C1orf146: variants seen among roughly 807,000 people sequenced by gnomAD.
The protein encoded by C1orf146 is chromosome 1 open reading frame 146, also known as protein SPO16 homolog.
Under a neutral mutation model 23.0 loss-of-function variants are expected in C1orf146, and 22 were observed. The ratio of observed to expected loss-of-function variants is 0.96; its 90% confidence interval spans 0.68 to 1.36. The LOEUF is 1.36. Among genes scored for constraint, C1orf146 ranks in the 40% most tolerant of loss-of-function variants. C1orf146 has a pLI of 0.00. For missense variants in C1orf146, 199 were observed against 206.8 expected, an observed-to-expected ratio of 0.96 and a Z score of 0.23; for synonymous variants, 59 against 65.3, an observed-to-expected ratio of 0.90 and a Z score of 0.47.
intron 2 of C1orf146, among the ~76,000 whole-genome samples, chr1:92,237,141 G>T (rs1249055568): frequency 6.6e-6 from 1 of 152,140 alleles, no homozygotes; most frequent in African/African-American, 2.4e-5. Flanking sequence ...TTGTTCCATT[G>T]CTGGTGAGGA....
chr1:92,222,774 G>A (rs901341486), intron 1 of C1orf146, among the ~76,000 whole-genome samples: 6 of 151,708 alleles, frequency 4.0e-5, no homozygotes, highest in Non-Finnish European at 7.4e-5. Context: ...TTTTAGTAGA[G>A]ATGGGGTTTC....
chr1:92,243,900 C>T (rs1570799915), intron 3 of C1orf146, among the ~76,000 whole-genome samples: 1 of 151,280 alleles, frequency 6.6e-6, no homozygotes, highest in Non-Finnish European at 1.5e-5. Flanking sequence ...AAATGTAATT[C>T]ATCTTTTTAA....
rs200087705 is a variant in C1orf146, at chr1:92,245,698, G to A, written c.*24G>A. On this transcript the variant is annotated 3_prime_UTR_variant, in exon 6 of 6. Coordinates refer to ENST00000370375, the MANE Select transcript of C1orf146 (RefSeq NM_001012425.2). The stretch of plus-strand genomic sequence containing the variant: ...AGAGTACCAACTTAATGTTTTTCTC[G>A]AAGAATGTGAAAATAATTAGACCTG... The A allele has an allele frequency of 1.1e-3, 1,559 of 1,449,060 alleles. 12 individuals are homozygous for A. The South Asian group carries it at 0.012, about 11-fold the overall frequency. The allele number at this position is 1,449,060 out of a possible 1,614,324, so 89.8% of individuals were successfully genotyped here. A position where few individuals can be genotyped will look rare whatever the true frequency, so the allele number is the denominator to read the frequency against.
chr1:92,233,430 C>T lies in C1orf146; in HGVS notation c.66+1944C>T, dbSNP rs533524290. On this transcript the variant is annotated intron_variant, in intron 2 of 5. Transcript: ENST00000370375. ...AGATCAGATAGTTGTAGATATGCGG[C>T]GTTATTTCTGAGGGCTGTGTTCTGT... Among the ~76,000 whole-genome samples the T allele has an allele frequency of 3.0e-3, 463 of 152,096 alleles. 3 individuals carry two copies. Among genetic ancestry groups the T allele is most frequent in the Non-Finnish European group, 4.6e-3 (312 of 67,998 alleles).
intron 2 of C1orf146, among the ~76,000 whole-genome samples, chr1:92,238,210 C>T (rs1652344734): frequency 6.6e-6 from 1 of 152,210 alleles, no homozygotes; most frequent in Non-Finnish European, 1.5e-5. Context: ...GCTGGGATTA[C>T]AGGCTTGAGC....
At chr1:92,233,757 C>T (rs146919197) in intron 2 of C1orf146, among the ~76,000 whole-genome samples, 2,130 of 152,266 alleles carry the variant, frequency 0.014, 49 homozygotes, top group African/African-American at 0.048. Flanking sequence ...GAATGTTCTT[C>T]CATTTGTTTG....
intron 1 of C1orf146, among the ~76,000 whole-genome samples, chr1:92,219,900 T>A (rs1315276477): frequency 6.6e-6 from 1 of 152,174 alleles, no homozygotes; most frequent in Non-Finnish European, 1.5e-5. Context: ...TCTTCTCCAT[T>A]TATTGGTTTG....
intron 1 of C1orf146, among the ~76,000 whole-genome samples, chr1:92,222,573 A>G (rs1043703814): frequency 4.9e-5 from 1 of 20,488 alleles, no homozygotes; most frequent in African/African-American, 2.0e-4. Flanking sequence ...TATAGTTTGT[A>G]TTTCTTTTTT....
chr1:92,219,496 C>CTTTTTTTTTTT lies in C1orf146; in HGVS notation c.-40+1463_-40+1473dup, dbSNP rs71091269. ...CATCACTGAAAGTGACTTTCTCTTT[C>CTTTTTTTTTTT]TTTTTTTTTTTTTTTTTTTTTTTTT... On this transcript the variant is annotated intron_variant, in intron 1 of 5. Transcript: ENST00000370375. Among the ~76,000 whole-genome samples, 30 of 81,142 alleles carry CTTTTTTTTTTT rather than the reference C, an allele frequency of 3.7e-4. 2 individuals carry two copies. Among genetic ancestry groups the CTTTTTTTTTTT allele is most frequent in the African/African-American group, 5.0e-4 (10 of 19,934 alleles). The allele number at this position is 81,142 out of a possible 152,430, so 53.2% of individuals were successfully genotyped here. A position where few individuals can be genotyped will look rare whatever the true frequency, so the allele number is the denominator to read the frequency against.
At chr1:92,222,328 TACA>T (rs952430911) in intron 1 of C1orf146, among the ~76,000 whole-genome samples, 43 of 151,974 alleles carry the variant, frequency 2.8e-4, no homozygotes, top group African/African-American at 1.0e-3. Context: ...ATATAACATA[TACA>T]ACATGCATGT....
chr1:92,218,266 T>C (rs1651726814), intron 1 of C1orf146, among the ~76,000 whole-genome samples: 1 of 152,104 alleles, frequency 6.6e-6, no homozygotes, highest in Non-Finnish European at 1.5e-5. Context: ...CAGAAGTCCG[T>C]CACCCACCTG....
intron 2 of C1orf146, among the ~76,000 whole-genome samples, chr1:92,237,622 C>G (rs545307228): frequency 1.4e-4 from 22 of 152,182 alleles, no homozygotes; most frequent in Non-Finnish European, 2.6e-4. Flanking sequence ...AACCACTGCT[C>G]TCTTCAAAGC....
intron 2 of C1orf146, among the ~76,000 whole-genome samples, chr1:92,237,738 T>C (rs912489969): frequency 1.1e-4 from 16 of 152,198 alleles, no homozygotes; most frequent in African/African-American, 3.6e-4. Context: ...CCATAAATTA[T>C]ATTTTTACAA....
Position 92,245,646 on chromosome 1 carries a change from T to G in C1orf146, c.515T>G (p.Leu172Arg), listed in dbSNP as rs1193228816. The change falls in exon 6 of 6, where the codon CTG (leucine) becomes CGG (arginine). Residue 172 changes from leucine (L) to arginine (R), a missense_variant. By Grantham distance (102) the Leu-to-Arg change is moderately radical. Transcript: ENST00000370375. ...TGGAAAACACTTCAGAAGATAAAAC[T>G]GAATAGTGATTCAGTTAACCCAAAT... ...PVWKTLQKIKLNSDSVNPN is the reference protein window; with the variant it reads ...PVWKTLQKIKRNSDSVNPN 5.0e-6 allele frequency: 8 copies of G among 1,589,844 alleles called. No homozygotes were observed. Among genetic ancestry groups the G allele is most frequent in the Non-Finnish European group, 6.8e-6 (8 of 1,172,220 alleles).
In C1orf146 at chr1:92,231,473, GCT is replaced by G; in HGVS notation, c.55_56del (p.Ser19IlefsTer3). On this transcript the variant is annotated frameshift_variant, in exon 2 of 6. Coordinates refer to ENST00000370375, the MANE Select transcript of C1orf146 (RefSeq NM_001012425.2). LOFTEE classifies it high-confidence loss of function. ...AAATGGACAACCACCATTATTATTA[GCT>G]CATCTCTTAAGGTAAAGGGGCATTT... 1 of 1,610,402 alleles carries G rather than the reference GCT, an allele frequency of 6.2e-7. No homozygotes were observed. Among genetic ancestry groups the G allele is most frequent in the East Asian group, 2.2e-5 (1 of 44,642 alleles).
At chr1:92,242,155 C>T in intron 2 of C1orf146, 57 bp from the exon 3 acceptor site, 1 of 917,150 alleles carries the variant, frequency 1.1e-6, no homozygotes, top group South Asian at 1.8e-5. Context: ...TTTTCTTTAG[C>T]TTTAATACAA....
chr1:92,229,240 TG>T, intron 1 of C1orf146: 1 of 554,836 alleles, frequency 1.8e-6, no homozygotes, highest in Non-Finnish European at 3.7e-6. Flanking sequence ...GTGGTGCCGC[TG>T]GACAGCACTG....
At chr1:92,222,667 A>C (rs1651859332) in intron 1 of C1orf146, among the ~76,000 whole-genome samples, 1 of 150,188 alleles carries the variant, frequency 6.7e-6, no homozygotes, top group Admixed American at 6.7e-5. Flanking sequence ...GCTCACTGCA[A>C]GCTCTGCCTC....
intron 1 of C1orf146, among the ~76,000 whole-genome samples, chr1:92,222,305 CAT>C (rs1198460694): frequency 1.3e-5 from 2 of 152,106 alleles, no homozygotes; most frequent in South Asian, 2.1e-4. Flanking sequence ...TGCAGTATAA[CAT>C]ATGCATGTAT....
Sources: gnomAD v4.1 joint callset for allele counts (sites outside exome capture counted in the v4.1 genomes callset) on GRCh38, gnomAD v4.1.1 for gene constraint, MANE v1.5 for transcripts, NCBI Gene and HGNC (gene_info 2026-07-23, HGNC 2026-07-21) for gene names.